DNAH14: variants seen among roughly 807,000 people sequenced by gnomAD.
DNAH14 encodes axonemal beta dynein heavy chain 14.
A neutral mutation model predicts 520.9 loss-of-function variants in DNAH14; 478 were observed. The ratio of observed to expected loss-of-function variants is 0.92; its 90% CI spans 0.85 to 0.99. The LOEUF (loss-of-function observed/expected upper bound fraction) is 0.99. DNAH14 is among the 50% of genes least tolerant of loss of function. The pLI is 0.00. For synonymous variants in DNAH14, 1,581 were observed against 1,757.2 expected, an observed-to-expected ratio of 0.90 and a Z score of 2.51; for missense variants, 4,831 against 5,234.5, an observed-to-expected ratio of 0.92 and a Z score of 2.38.
rs146468909 is a variant in DNAH14 at position 225,366,540 on chromosome 1, C to T, written c.12091-1265C>T. On this transcript the variant is annotated intron_variant, in intron 76 of 85. Transcript: ENST00000682510. The stretch of plus-strand genomic sequence containing the variant: ...GTCATAGCAGTCGGGAAACAGTGCT[C>T]GATAAATATTTTCTCATTTCTCCAC... Among the ~76,000 whole-genome samples, 360 of 152,188 alleles carry T rather than the reference C, an allele frequency of 2.4e-3. 2 individuals are homozygous for T. The highest frequency in any genetic ancestry group is 7.5e-3 in the African/African-American group (310 of 41,518).
intron 77 of DNAH14, among the ~76,000 whole-genome samples, chr1:225,369,321 C>A (rs899966058): frequency 6.6e-6 from 1 of 151,670 alleles, no homozygotes; most frequent in African/African-American, 2.4e-5. Flanking sequence ...CAAAACAAAA[C>A]CCAGAAATGT....
intron 21 of DNAH14, among the ~76,000 whole-genome samples, chr1:225,093,247 A>T (rs750357788): frequency 1.3e-5 from 2 of 152,178 alleles, no homozygotes; most frequent in Non-Finnish European, 2.9e-5. Flanking sequence ...AATACTAGCA[A>T]ACTGAACCCA....
At chr1:225,132,137 T>G (rs2078483008) in intron 27 of DNAH14, among the ~76,000 whole-genome samples, 1 of 152,148 alleles carries the variant, frequency 6.6e-6, no homozygotes, top group Admixed American at 6.6e-5. Context: ...ACAGTGGTTT[T>G]CTGGAGTGAT....
At position 225,000,183 on chromosome 1, in the gene DNAH14, C is replaced by T. The variant is rs143861369; in HGVS notation, c.831-2600C>T. 2.5e-3 allele frequency among the ~76,000 whole-genome samples: 386 copies of T among 152,270 alleles called. 1 individual carries two copies. The highest frequency in any genetic ancestry group is 8.1e-3 in the African/African-American group (337 of 41,572). On this transcript the variant is annotated intron_variant, in intron 8 of 85. Transcript: ENST00000682510. ...GAACATTTTTGCTAGATATAGGATTCTGGGTTGACAGTTCCTTTCTTTCAG... is the reference window on the plus strand; with the variant it reads ...GAACATTTTTGCTAGATATAGGATTTTGGGTTGACAGTTCCTTTCTTTCAG...
intron 42 of DNAH14, among the ~76,000 whole-genome samples, chr1:225,236,265 G>A (rs1270838774): frequency 6.6e-6 from 1 of 152,018 alleles, no homozygotes; most frequent in Non-Finnish European, 1.5e-5. Context: ...CTTGATTTCT[G>A]CCTTAATTTC....
At chr1:225,345,922 C>A in intron 69 of DNAH14, 40 bp from the exon 70 acceptor site, 1 of 1,484,318 alleles carries the variant, frequency 6.7e-7, no homozygotes, top group Non-Finnish European at 9.1e-7. Flanking sequence ...TTTACTGTTA[C>A]AATAGTCTTT....
At chr1:225,222,855 C>T (rs12066458) in intron 41 of DNAH14, among the ~76,000 whole-genome samples, 4,017 of 152,208 alleles carry the variant, frequency 0.026, 158 homozygotes, top group African/African-American at 0.08. Context: ...AGAGGGTACA[C>T]TAGACATAGA....
intron 31 of DNAH14, among the ~76,000 whole-genome samples, chr1:225,149,374 C>T (rs1425496589): frequency 6.6e-6 from 1 of 152,086 alleles, no homozygotes; most frequent in Non-Finnish European, 1.5e-5. Flanking sequence ...ATGCTTCCAG[C>T]CTTATTCTTT....
chr1:225,214,185 G>A (rs776520834), intron 41 of DNAH14, among the ~76,000 whole-genome samples: 2 of 152,080 alleles, frequency 1.3e-5, no homozygotes, highest in Non-Finnish European at 2.9e-5. Context: ...TTTGTCTTTG[G>A]TTCTGTTTAT....
At chr1:225,094,328 C>T (rs535719945) in intron 21 of DNAH14, among the ~76,000 whole-genome samples, 15 of 152,072 alleles carry the variant, frequency 9.9e-5, no homozygotes, top group Admixed American at 5.9e-4. Flanking sequence ...AAGCCGCATA[C>T]CTACGACCAT....
intron 60 of DNAH14, among the ~76,000 whole-genome samples, chr1:225,314,169 A>C (rs953032013): frequency 8.6e-5 from 13 of 151,882 alleles, no homozygotes; most frequent in Non-Finnish European, 1.6e-4. Flanking sequence ...TTCTTGCTGC[A>C]TTGATTCCTT....
chr1:225,346,344 A>C lies in DNAH14; in HGVS notation c.11061A>C (p.Lys3687Asn). ...AAAATCTCTTAGATAAGCATATTAA[A>C]AGTGCAATAGACATGTTGACAAAAA... ...NEKNLLDKHI[K>N]SAIDMLTKSI... Residue 3687 changes from lysine (K) to asparagine (N), a missense_variant, in exon 70 of 86, where the codon AAA becomes AAC. Transcript: ENST00000682510. The C allele has an allele frequency of 6.5e-7, 1 of 1,535,948 alleles. No homozygotes were observed.
chr1:225,330,283 T>C (rs902610935), intron 64 of DNAH14, among the ~76,000 whole-genome samples: 1 of 152,184 alleles, frequency 6.6e-6, no homozygotes, highest in African/African-American at 2.4e-5. Context: ...TACCATATGA[T>C]CCAGCAATTC....
rs2095159785 is a variant in DNAH14, at chr1:225,340,664, A to G, written c.10641A>G (p.Leu3547=). ...ISLDAITLEE[L]EEKTLNLLQK... ...TTGATGCCATAACTCTTGAAGAACT[A>G]GAGGAAAAAACATTAAATTTACTGC... Residue 3547 remains leucine (L), a synonymous_variant, in exon 69 of 86, where the codon CTA becomes CTG. Transcript: ENST00000682510. 1 of 1,551,272 alleles carries G rather than the reference A, an allele frequency of 6.4e-7. No homozygotes were observed. The highest frequency in any genetic ancestry group is 1.2e-5 in the South Asian group (1 of 84,040).
intron 40 of DNAH14, 56 bp downstream of exon 40, chr1:225,206,235 A>T: frequency 1.4e-6 from 2 of 1,389,110 alleles, no homozygotes; most frequent in Admixed American, 2.4e-5. Flanking sequence ...TATGATAGTA[A>T]CTATTTATTA....
At chr1:225,188,503 A>T (rs1370952971) in intron 37 of DNAH14, among the ~76,000 whole-genome samples, 2 of 151,932 alleles carry the variant, frequency 1.3e-5, no homozygotes, top group Non-Finnish European at 2.9e-5. Flanking sequence ...TATAGGGAAA[A>T]ATATAATATA....
At chr1:225,340,264 T>C (rs1282739967) in intron 68 of DNAH14, among the ~76,000 whole-genome samples, 193 bp from the exon 69 acceptor site, 1 of 152,212 alleles carries the variant, frequency 6.6e-6, no homozygotes, top group Non-Finnish European at 1.5e-5. Context: ...CAGTCTGTGG[T>C]TGTATTTTTT....
intron 64 of DNAH14, among the ~76,000 whole-genome samples, chr1:225,330,924 T>C (rs935360793): frequency 1.3e-5 from 2 of 152,104 alleles, no homozygotes; most frequent in African/African-American, 2.4e-5. Context: ...CCTAAATATA[T>C]ATATATACCT....
chr1:225,162,631 G>A (rs1256446846), intron 35 of DNAH14, among the ~76,000 whole-genome samples: 1 of 152,110 alleles, frequency 6.6e-6, no homozygotes, highest in Non-Finnish European at 1.5e-5. Context: ...TGGGTAATAT[G>A]AACATTTTAA....
Sources: allele counts gnomAD v4.1 joint callset (sites outside exome capture counted in the v4.1 genomes callset), GRCh38; gene constraint gnomAD v4.1.1; transcripts MANE v1.5; gene names NCBI Gene and HGNC (gene_info 2026-07-23, HGNC 2026-07-21).